The following KHDRBS2 variants were observed in gnomAD, a reference collection of about 807,000 sequenced individuals.
KHDRBS2 encodes KH domain-containing, RNA-binding, signal transduction-associated protein 2.
In KHDRBS2, 26 loss-of-function variants were observed where a neutral mutation model predicts 44.3. That is an observed-to-expected ratio of 0.59 (90% confidence interval 0.43 to 0.81). The LOEUF (loss-of-function observed/expected upper bound fraction) is 0.81. KHDRBS2 is among the 40% of genes least tolerant of loss of function. The probability of loss-of-function intolerance (pLI) is 0.00; values close to 1 mark genes in which losing one functional copy is unlikely to be tolerated. For synonymous variants in KHDRBS2, 194 were observed against 151.1 expected, an observed-to-expected ratio of 1.28 and a Z score of -2.08; for missense variants, 476 against 433.1, an observed-to-expected ratio of 1.10 and a Z score of -0.88.
intron 4 of KHDRBS2, among the ~76,000 whole-genome samples, chr6:61,954,349 ATATGTATGCATACATATATACGTATG>A (rs1358768409): frequency 2.7e-4 from 31 of 115,198 alleles, no homozygotes; most frequent in South Asian, 8.7e-4. Context: ...ATAGATATAC[ATATGTATGCATACATATATACGTATG>A]TATGCATGCA....
At chr6:62,010,047 G>T (rs1325167817) in intron 3 of KHDRBS2, among the ~76,000 whole-genome samples, 1 of 152,112 alleles carries the variant, frequency 6.6e-6, no homozygotes, top group East Asian at 1.9e-4. Context: ...CTTGTACCAT[G>T]AGCCTGGAAA....
intron 2 of KHDRBS2, among the ~76,000 whole-genome samples, chr6:62,169,156 T>G (rs1819403607): frequency 1.1e-5 from 1 of 88,462 alleles, no homozygotes; most frequent in South Asian, 3.2e-4. Flanking sequence ...TGTGTATATA[T>G]ACGTACACAT....
chr6:61,632,940 T>C, the KHDRBS2 span, among the ~76,000 whole-genome samples: 1 of 152,174 alleles, frequency 6.6e-6, no homozygotes, highest in Admixed American at 6.6e-5. Flanking sequence ...GAAGTATTCA[T>C]GTTTTGAGGT....
intron 4 of KHDRBS2, among the ~76,000 whole-genome samples, chr6:61,916,308 G>A (rs1033523092): frequency 5.9e-5 from 9 of 151,952 alleles, no homozygotes; most frequent in Middle Eastern, 3.2e-3. Flanking sequence ...AACTACTCTT[G>A]CTATTCCTTT....
At chr6:61,636,672 A>T in the KHDRBS2 span, among the ~76,000 whole-genome samples, 4 of 152,128 alleles carry the variant, frequency 2.6e-5, no homozygotes, top group Non-Finnish European at 4.4e-5. Flanking sequence ...CACAATATAT[A>T]CGATGGCTCT....
intron 2 of KHDRBS2, among the ~76,000 whole-genome samples, chr6:62,114,754 A>G (rs753880147): frequency 4.1e-5 from 6 of 147,846 alleles, no homozygotes; most frequent in Non-Finnish European, 7.4e-5. Context: ...CAAAGGCATT[A>G]GTAAATGTTG....
intron 2 of KHDRBS2, among the ~76,000 whole-genome samples, chr6:62,084,375 C>T (rs1452198777): frequency 6.6e-6 from 1 of 152,130 alleles, no homozygotes; most frequent in Non-Finnish European, 1.5e-5. Context: ...TGATAAAACT[C>T]CACCAAAGTT....
intron 6 of KHDRBS2, among the ~76,000 whole-genome samples, chr6:61,777,784 T>C (rs1782321589): frequency 6.6e-6 from 1 of 152,154 alleles, no homozygotes; most frequent in Non-Finnish European, 1.5e-5. Context: ...GGGTATAAAA[T>C]AAAAATATCA....
intron 1 of KHDRBS2, among the ~76,000 whole-genome samples, chr6:62,200,478 T>A (rs565659796): frequency 1.2e-4 from 19 of 152,190 alleles, no homozygotes; most frequent in Admixed American, 1.2e-3. Flanking sequence ...AAAAGACACA[T>A]GAAAAATGCT....
At chr6:62,231,544 G>C (rs1308765776) in intron 1 of KHDRBS2, among the ~76,000 whole-genome samples, 2 of 152,062 alleles carry the variant, frequency 1.3e-5, no homozygotes, top group African/African-American at 2.4e-5. Context: ...TGAGATTTGG[G>C]TGGGGACACA....
At chr6:61,765,692 A>T (rs1286373493) in intron 6 of KHDRBS2, among the ~76,000 whole-genome samples, 2 of 151,974 alleles carry the variant, frequency 1.3e-5, no homozygotes, top group Non-Finnish European at 2.9e-5. Flanking sequence ...GGGTTTTTTT[A>T]AATCATAAAG....
At chr6:62,244,535 G>C (rs1835240162) in intron 1 of KHDRBS2, among the ~76,000 whole-genome samples, 2 of 152,104 alleles carry the variant, frequency 1.3e-5, no homozygotes, top group Non-Finnish European at 2.9e-5. Flanking sequence ...ATAATATCTT[G>C]AGAATAAATT....
chr6:61,759,267 C>A (rs541714233), intron 6 of KHDRBS2, among the ~76,000 whole-genome samples: 1 of 152,060 alleles, frequency 6.6e-6, no homozygotes, highest in Non-Finnish European at 1.5e-5. Flanking sequence ...CATCTAACAA[C>A]GTACACCAAA....
intron 1 of KHDRBS2, among the ~76,000 whole-genome samples, chr6:62,267,184 C>A (rs1839345238): frequency 6.6e-6 from 1 of 152,012 alleles, no homozygotes; most frequent in Non-Finnish European, 1.5e-5. Flanking sequence ...ACATATCTTG[C>A]AAAAATTCCG....
intron 6 of KHDRBS2, among the ~76,000 whole-genome samples, chr6:61,845,525 G>A (rs1023150664): frequency 1.6e-4 from 25 of 152,128 alleles, no homozygotes; most frequent in Non-Finnish European, 2.6e-4. Context: ...TGGCCAGGAT[G>A]GTCTCGATCT....
At chr6:62,245,170 A>G (rs1835335442) in intron 1 of KHDRBS2, among the ~76,000 whole-genome samples, 1 of 152,166 alleles carries the variant, frequency 6.6e-6, no homozygotes, top group Non-Finnish European at 1.5e-5. Flanking sequence ...TCATCATGTT[A>G]ATGCTTCCTA....
chr6:61,968,881 C>T (rs1192449), intron 4 of KHDRBS2, among the ~76,000 whole-genome samples: 28,301 of 151,824 alleles, frequency 0.19, 3,498 homozygotes, highest in Non-Finnish European at 0.25. Flanking sequence ...CTGTGGTTTT[C>T]AAATAACCCT....
the KHDRBS2 span, among the ~76,000 whole-genome samples, chr6:61,598,832 C>T: frequency 0.02 from 537 of 27,188 alleles, 71 homozygotes; most frequent in Non-Finnish European, 0.024. Flanking sequence ...GTCCTTTTTT[C>T]TTTTCTTTTT....
chr6:62,261,670 G>A (rs1838369940), intron 1 of KHDRBS2, among the ~76,000 whole-genome samples: 1 of 151,748 alleles, frequency 6.6e-6, no homozygotes. Context: ...TTAGACCCTA[G>A]GCTAGAAATT....
Sources: gnomAD v4.1 joint callset for allele counts (sites outside exome capture counted in the v4.1 genomes callset) on GRCh38, gnomAD v4.1.1 for gene constraint, MANE v1.5 for transcripts, NCBI Gene and HGNC (gene_info 2026-07-23, HGNC 2026-07-21) for gene names.